The following RRP1 variants were observed in gnomAD, a reference collection of about 807,000 sequenced individuals.
RRP1 encodes ribosomal RNA processing protein 1 homolog A.
In RRP1, 37 loss-of-function variants were observed where a neutral mutation model predicts 54.6. That is an observed-to-expected ratio of 0.68 (90% CI 0.52 to 0.89). The LOEUF is 0.89. RRP1 is among the 40% of genes least tolerant of loss of function. The pLI is 0.00. For missense variants in RRP1, 639 were observed against 612.5 expected, an observed-to-expected ratio of 1.04 and a Z score of -0.46; for synonymous variants, 262 against 244.3, an observed-to-expected ratio of 1.07 and a Z score of -0.67.
intron 9 of RRP1, among the ~76,000 whole-genome samples, chr21:43,799,919 T>G (rs981816236): frequency 5.3e-5 from 8 of 152,218 alleles, no homozygotes; most frequent in Non-Finnish European, 1.0e-4. Context: ...TATCCAGGGC[T>G]GGCCTCACCT....
At chr21:43,794,403 T>C (rs998628370) in intron 4 of RRP1, among the ~76,000 whole-genome samples, 1 of 152,100 alleles carries the variant, frequency 6.6e-6, no homozygotes, top group Non-Finnish European at 1.5e-5. Context: ...GGGTGCCCCT[T>C]GTGTGGCTGA....
intron 10 of RRP1, 82 bp from the exon 11 acceptor site, chr21:43,800,780 A>C (rs2123420504): frequency 6.3e-7 from 1 of 1,594,400 alleles, no homozygotes; most frequent in Non-Finnish European, 8.6e-7. Context: ...CTGGCTAGGA[A>C]CCTGCAGCCG....
intron 1 of RRP1, chr21:43,791,148 C>T: frequency 1.6e-6 from 1 of 644,434 alleles, no homozygotes; most frequent in South Asian, 1.5e-5. Flanking sequence ...TAGCAGTTAC[C>T]TGGAGTAGCC....
rs182992524 is a variant in RRP1, at chr21:43,792,872, G to T, written c.274+143G>T. 373 of 823,160 alleles carry T rather than the reference G, an allele frequency of 4.5e-4. 1 individual carries two copies. The highest frequency in any genetic ancestry group is 6.4e-4 in the Non-Finnish European group (318 of 496,716). 51.0% of individuals were successfully genotyped at this position (823,160 alleles called of 1,614,324 possible). ...AAGAGAGCGCCAGCTGGTGTCTGTG[G>T]GTGCTTAGCATGTGTGCAGTGCTGG... On this transcript the variant is annotated intron_variant, in intron 3 of 12. Coordinates refer to ENST00000497547, the MANE Select transcript of RRP1 (RefSeq NM_003683.6).
rs1049663810 is a variant in RRP1, at chr21:43,804,075, A to G, written c.*301A>G. 3.0e-5 allele frequency: 10 copies of G among 337,432 alleles called. No homozygotes were observed. The highest frequency in any genetic ancestry group is 5.1e-5 in the Non-Finnish European group (10 of 195,886). The allele number at this position is 337,432 out of a possible 1,614,324, so 20.9% of individuals were successfully genotyped here. A position where few individuals can be genotyped will look rare whatever the true frequency, so the allele number is the denominator to read the frequency against. Reference sequence around the variant, plus strand: ...GCCCCTGCTGTGGGGGGTTCAGAAAATAAAATGCCGCGCAGCCCTTGCCAG... The same window carrying G: ...GCCCCTGCTGTGGGGGGTTCAGAAAGTAAAATGCCGCGCAGCCCTTGCCAG... On this transcript the variant is annotated 3_prime_UTR_variant, in exon 13 of 13. Transcript: ENST00000497547. This position sits in a 1 kb window ranked among gnomAD's most constrained non-coding sequence, Gnocchi z 4.3.
At position 43,800,540 on chromosome 21, in the gene RRP1, C is replaced by T; in HGVS notation, c.915C>T (p.Asn305=). The T allele has an allele frequency of 6.2e-7, 1 of 1,614,256 alleles. No individual in the cohort carries two copies. Among genetic ancestry groups the T allele is most frequent in the South Asian group, 1.1e-5 (1 of 91,084 alleles). The change falls in exon 10 of 13, where the codon AAC becomes AAT. Residue 305 remains asparagine, a synonymous_variant. Transcript: ENST00000497547. ...AGTTTGACTACGAGGCAGTTGCTAA[C>T]AGACTGTTTGAAATGGCCAGCCGCC... ...VLQFDYEAVA[N]RLFEMASRQS...
At chr21:43,802,193 T>G (rs2085100781) in intron 11 of RRP1, 81 bp from the exon 12 acceptor site, 1 of 975,702 alleles carries the variant, frequency 1.0e-6, no homozygotes, top group African/African-American at 1.6e-5. Flanking sequence ...TGGTGCTGGC[T>G]GGGGCCTGCT....
At chr21:43,790,949 A>C in intron 1 of RRP1, 4 of 449,992 alleles carry the variant, frequency 8.9e-6, no homozygotes, top group South Asian at 6.4e-5. Flanking sequence ...TTCTTTTAGT[A>C]TTTGAGATAT....
In RRP1 at chr21:43,803,619, G is replaced by C; in HGVS notation, c.1231G>C (p.Gly411Arg). ...GCGGGCAGAGGCTGGTGAGCAGCCAGGCACAGCTGAGCGGGCCCTGCTCCG... is the reference window on the plus strand; with the variant it reads ...GCGGGCAGAGGCTGGTGAGCAGCCACGCACAGCTGAGCGGGCCCTGCTCCG... ...EARAEAGEQP[G>R]TAERALLRDQ... The change falls in exon 13 of 13, where the codon GGC becomes CGC. Residue 411 changes from glycine (G) to arginine (R), a missense_variant. By Grantham distance (125) the Gly-to-Arg change is moderately radical. Transcript: ENST00000497547. 6.4e-7 allele frequency: 1 copy of C among 1,551,288 alleles called. No individual in the cohort carries two copies. The highest frequency in any genetic ancestry group is 8.7e-7 in the Non-Finnish European group (1 of 1,147,918).
chr21:43,793,476 G>A (rs1487479759), intron 4 of RRP1, 72 bp downstream of exon 4: 9 of 1,349,224 alleles, frequency 6.7e-6, no homozygotes, highest in South Asian at 4.8e-5. Flanking sequence ...CGAGACAGGC[G>A]GCACCTGGGC....
chr21:43,797,186 C>T (rs544046580), intron 5 of RRP1, among the ~76,000 whole-genome samples: 65 of 152,330 alleles, frequency 4.3e-4, no homozygotes, highest in African/African-American at 1.3e-3. Flanking sequence ...TCAGGCCATA[C>T]GTTCTGGTGG....
At chr21:43,795,914 G>C (rs568793341) in intron 5 of RRP1, among the ~76,000 whole-genome samples, 1 of 152,196 alleles carries the variant, frequency 6.6e-6, no homozygotes, top group Non-Finnish European at 1.5e-5. Context: ...GGCCGAGGCG[G>C]GCAGATCACA....
intron 10 of RRP1, 31 bp downstream of exon 10, chr21:43,800,645 G>A: frequency 6.3e-7 from 1 of 1,596,860 alleles, no homozygotes; most frequent in Non-Finnish European, 8.6e-7. Context: ...CGTCCTCCCT[G>A]CTCCCCTTGG....
chr21:43,791,297 G>T, intron 1 of RRP1, 53 bp from the exon 2 acceptor site: 1 of 1,580,744 alleles, frequency 6.3e-7, no homozygotes. Flanking sequence ...CTTCCTTTCT[G>T]GCACTCGAAG....
chr21:43,791,571 C>T (rs1429766927), intron 2 of RRP1, 139 bp downstream of exon 2: 5 of 718,684 alleles, frequency 7.0e-6, no homozygotes, highest in Non-Finnish European at 9.1e-6. Context: ...GGCTCAATCT[C>T]GGCTTACTGC....
chr21:43,792,895 T>C (rs2084975136), intron 3 of RRP1, 166 bp downstream of exon 3: 1 of 673,842 alleles, frequency 1.5e-6, no homozygotes. Context: ...TGTGCAGTGC[T>C]GGTGTAAGTA....
At position 43,799,649 on chromosome 21, in the gene RRP1, G is replaced by T; in HGVS notation, c.891G>T (p.Gln297His). Reference sequence around the variant, plus strand: ...GGGACAGTGGCGGCCCCGTTCTCCAGGTGGGTTCCCTGGGCTCATGGCTGT... The same window carrying T: ...GGGACAGTGGCGGCCCCGTTCTCCATGTGGGTTCCCTGGGCTCATGGCTGT... ...DDRDSGGPVL[Q>H]FDYEAVANRL... Residue 297 changes from glutamine to histidine, a missense_variant and splice_region_variant, in exon 9 of 13, where the codon CAG becomes CAT. Coordinates refer to ENST00000497547, the MANE Select transcript of RRP1 (RefSeq NM_003683.6). 1 of 1,608,240 alleles carries T rather than the reference G, an allele frequency of 6.2e-7. No individual in the cohort carries two copies.
chr21:43,790,912 G>A (rs1312518673), intron 1 of RRP1: 14 of 444,202 alleles, frequency 3.2e-5, no homozygotes, highest in South Asian at 6.3e-5. Context: ...TGTTTCTCTC[G>A]TAGTCTGAAT....
At chr21:43,799,775 A>G (rs73224971) in intron 9 of RRP1, 126 bp downstream of exon 9, 56,996 of 803,836 alleles carry the variant, frequency 0.071, 2,373 homozygotes, top group South Asian at 0.14. Flanking sequence ...TTACCCGGAC[A>G]GGGGTTAGCT....
Sources: allele counts gnomAD v4.1 joint callset (sites outside exome capture counted in the v4.1 genomes callset), GRCh38; gene constraint gnomAD v4.1.1; non-coding constraint Gnocchi (gnomAD v3.1); transcripts MANE v1.5; gene names NCBI Gene and HGNC (gene_info 2026-07-23, HGNC 2026-07-21).